The following RACK1 variants were observed in gnomAD, a reference collection of about 807,000 sequenced individuals.
RACK1 encodes receptor for activated C kinase 1.
In RACK1, 3 loss-of-function variants were observed where a neutral mutation model predicts 42.2. The observed-to-expected ratio is 0.07, with a 90% CI of 0.03 to 0.18. The LOEUF is 0.18. RACK1 is among the 10% of genes least tolerant of loss of function. The probability of loss-of-function intolerance (pLI) is 1.00; values close to 1 mark genes in which losing one functional copy is unlikely to be tolerated. For missense variants in RACK1, 146 were observed against 403.2 expected, an observed-to-expected ratio of 0.36 and a Z score of 5.46; for synonymous variants, 181 against 154.8, an observed-to-expected ratio of 1.17 and a Z score of -1.25.
chr5:181,237,523 G>A, intron 7 of RACK1, 86 bp downstream of exon 7: 1 of 802,044 alleles, frequency 1.2e-6, no homozygotes, highest in Non-Finnish European at 2.2e-6. Flanking sequence ...CACTGCTCTT[G>A]TGTCTGACAG....
At chr5:181,239,927 C>T (rs1477613153) in intron 3 of RACK1, among the ~76,000 whole-genome samples, 1 of 151,976 alleles carries the variant, frequency 6.6e-6, no homozygotes, top group African/African-American at 2.4e-5. Context: ...TGCCTGTAAT[C>T]CCAGCTACTG....
rs1231069573 is a variant in RACK1 at position 181,237,590 on chromosome 5, A to C, written c.888+19T>G. The C allele has an allele frequency of 2.3e-6, 3 of 1,281,962 alleles. No homozygotes were observed. In the Admixed American group the frequency reaches 5.0e-5, roughly 22 times the overall value. 79.4% of individuals were successfully genotyped at this position (1,281,962 alleles called of 1,614,324 possible). On this transcript the variant is annotated intron_variant, in intron 7 of 7. Transcript: ENST00000512805. Reference sequence around the variant, plus strand: ...AATTAACTGGAAGCAGAATCACCTGAGAGGACAGACCCACTTACCTGGCCA... The same window carrying C: ...AATTAACTGGAAGCAGAATCACCTGCGAGGACAGACCCACTTACCTGGCCA...
intron 2 of RACK1, 107 bp from the exon 3 acceptor site, chr5:181,241,746 C>G: frequency 8.0e-7 from 1 of 1,247,558 alleles, no homozygotes; most frequent in Admixed American, 1.7e-5. Context: ...CTCATACAAC[C>G]CTGGATTTGG....
chr5:181,240,615 T>G (rs1759306761), intron 3 of RACK1: 2 of 145,630 alleles, frequency 1.4e-5, no homozygotes, highest in Admixed American at 1.4e-4. Flanking sequence ...CCCCCACCCA[T>G]CCCCAAATCC....
At chr5:181,239,669 G>A (rs1383969640) in intron 3 of RACK1, 87 bp from the exon 4 acceptor site, 1 of 797,384 alleles carries the variant, frequency 1.3e-6, no homozygotes, top group Non-Finnish European at 2.1e-6. Flanking sequence ...GTAGGATGAT[G>A]GCTGGCAGCA....
At chr5:181,241,921 C>G (rs778668973) in intron 2 of RACK1, 2 of 767,162 alleles carry the variant, frequency 2.6e-6, no homozygotes, top group Non-Finnish European at 2.4e-6. Flanking sequence ...ATTACCTGAG[C>G]TTTCAAGGTA....
intron 1 of RACK1, chr5:181,242,641 T>TC: frequency 2.2e-6 from 1 of 444,972 alleles, no homozygotes; most frequent in Non-Finnish European, 4.4e-6. Flanking sequence ...CACTCCAAAC[T>TC]CCACCTCCCG....
chr5:181,243,218 C>T lies in RACK1; in HGVS notation c.109+474G>A, dbSNP rs1215720333. 14 of 1,269,512 alleles carry T rather than the reference C, an allele frequency of 1.1e-5. No individual in the cohort carries two copies. In the African/African-American group the frequency reaches 2.0e-4, roughly 18 times the overall value. The allele number at this position is 1,269,512 out of a possible 1,614,324, so 78.6% of individuals were successfully genotyped here. A position where few individuals can be genotyped will look rare whatever the true frequency, so the allele number is the denominator to read the frequency against. On this transcript the variant is annotated intron_variant, in intron 1 of 7. Coordinates refer to ENST00000512805, the MANE Select transcript of RACK1 (RefSeq NM_006098.5). ...GCAGTCAGGAACACAGGGATAGGGA[C>T]GGGGAGAACCAGGGGCAGAAAAAGT...
chr5:181,243,450 C>T (rs1481718623), intron 1 of RACK1: 41 of 1,501,278 alleles, frequency 2.7e-5, no homozygotes, highest in Non-Finnish European at 3.5e-5. Context: ...TTCCAACTCT[C>T]CAACCCTCCT....
At chr5:181,240,727 T>C (rs1582296593) in intron 3 of RACK1, among the ~76,000 whole-genome samples, 2 of 151,482 alleles carry the variant, frequency 1.3e-5, no homozygotes, top group African/African-American at 4.8e-5. Flanking sequence ...ATAGATGGGG[T>C]CTCACTATGT....
rs373456604 is a variant in RACK1 at position 181,237,725 on chromosome 5, G to C, written c.778-6C>G. ...ATGATCTTTCCCTCTAAATCCTGGGGAACAGGGCAAAAGCAACCTTAAGAC... is the reference window on the plus strand; with the variant it reads ...ATGATCTTTCCCTCTAAATCCTGGGCAACAGGGCAAAAGCAACCTTAAGAC... On this transcript the variant is annotated splice_polypyrimidine_tract_variant and splice_region_variant and intron_variant, in intron 6 of 7. Coordinates refer to ENST00000512805, the MANE Select transcript of RACK1 (RefSeq NM_006098.5). 1 of 1,498,312 alleles carries C rather than the reference G, an allele frequency of 6.7e-7. No homozygotes were observed. The highest frequency in any genetic ancestry group is 2.3e-5 in the East Asian group (1 of 44,308). 92.8% of individuals were successfully genotyped at this position (1,498,312 alleles called of 1,614,324 possible).
chr5:181,238,406 T>C, intron 5 of RACK1, 167 bp from the exon 6 acceptor site: 1 of 650,520 alleles, frequency 1.5e-6, no homozygotes. Flanking sequence ...ACCTTTCCTT[T>C]AACGTAAGAC....
chr5:181,243,398 C>G (rs770730048), intron 1 of RACK1: 1 of 1,439,344 alleles, frequency 6.9e-7, no homozygotes, highest in Non-Finnish European at 9.3e-7. Context: ...CGTAGGCCCC[C>G]GGCCACACTA....
At position 181,242,306 on chromosome 5, in the gene RACK1, G is replaced by C; in HGVS notation, c.149C>G (p.Thr50Ser). ...IIMWKLTRDE[T>S]NYGIPQRALR... ...AGCACGCTGTGGAATTCCATAGTTG[G>C]TCTCATCCCTGGTCAGTTTCCACAT... The change falls in exon 2 of 8, where the codon ACC becomes AGC. Residue 50 changes from threonine (T) to serine (S), a missense_variant. Transcript: ENST00000512805. 6.2e-7 allele frequency: 1 copy of C among 1,613,960 alleles called. No individual in the cohort carries two copies.
intron 6 of RACK1, 122 bp downstream of exon 6, chr5:181,237,977 A>G: frequency 1.9e-6 from 2 of 1,055,192 alleles, no homozygotes; most frequent in Non-Finnish European, 2.9e-6. Flanking sequence ...CCAAAATGTC[A>G]TTACGTGGAG....
intron 1 of RACK1, chr5:181,242,561 A>G (rs1408292416): frequency 3.1e-6 from 2 of 650,300 alleles, no homozygotes; most frequent in Admixed American, 2.1e-5. Flanking sequence ...TACCCTGATA[A>G]CTTTTTTTTT....
In RACK1 at chr5:181,238,100, C is replaced by A; in HGVS notation, c.776G>T (p.Trp259Leu). 6.2e-7 allele frequency: 1 copy of A among 1,614,188 alleles called. No homozygotes were observed. The highest frequency in any genetic ancestry group is 1.1e-5 in the South Asian group (1 of 91,076). Reference protein sequence around the residue: ...CAATGPSIKIWDLEGKIIVDE... With the variant: ...CAATGPSIKILDLEGKIIVDE... The stretch of plus-strand genomic sequence containing the variant: ...CAGTCAATTGTAACCCACACTCACC[C>A]AGATCTTGATGCTGGGGCCTGTGGC... The change falls in exon 6 of 8, where the codon TGG becomes TTG. Residue 259 changes from tryptophan (W) to leucine (L), a missense_variant and splice_region_variant. Coordinates refer to ENST00000512805, the MANE Select transcript of RACK1 (RefSeq NM_006098.5).
intron 6 of RACK1, 40 bp from the exon 7 acceptor site, chr5:181,237,759 CA>C (rs34681418): frequency 0.23 from 250,524 of 1,082,624 alleles, 33,778 homozygotes; most frequent in African/African-American, 0.56. Flanking sequence ...ACTTACCAAT[CA>C]AGAGAGTCTC....
Position 181,239,499 on chromosome 5 carries a change from G to A in RACK1, c.513C>T (p.Asp171=), listed in dbSNP as rs373339403. The A allele has an allele frequency of 6.2e-7, 1 of 1,613,026 alleles. No individual in the cohort carries two copies. The highest frequency in any genetic ancestry group is 1.3e-5 in the African/African-American group (1 of 74,892). The change falls in exon 4 of 8, where the codon GAC becomes GAT. Residue 171 remains aspartate, a synonymous_variant. Transcript: ENST00000512805. The part of the protein sequence containing the change: ...SNPIIVSCGW[D]KLVKVWNLAN... ...GCTTGACGCTCACCTTGACCAGCTT[G>A]TCCCAGCCACAGGAGACGATGATAG...
Sources: gnomAD v4.1 joint callset for allele counts (sites outside exome capture counted in the v4.1 genomes callset) on GRCh38, gnomAD v4.1.1 for gene constraint, MANE v1.5 for transcripts, NCBI Gene and HGNC (gene_info 2026-07-23, HGNC 2026-07-21) for gene names.